Variants in ADAM29 observed in about 807,000 individuals in gnomAD.
The protein encoded by ADAM29 is disintegrin and metalloproteinase domain-containing protein 29.
For synonymous variants in ADAM29, 367 were observed against 342.3 expected (o/e 1.07, Z -0.80); for missense variants, 969 against 1,001.8 (o/e 0.97, Z 0.44).
chr4:174,960,367 G>A (rs751762221), intron 4 of ADAM29, among the ~76,000 whole-genome samples: 5 of 151,868 alleles, frequency 3.3e-5, no homozygotes, highest in Admixed American at 1.3e-4. Flanking sequence ...CAAATTTTAA[G>A]TATCATATCT....
chr4:174,958,711 C>T (rs192862315), intron 4 of ADAM29, among the ~76,000 whole-genome samples: 1 of 151,354 alleles, frequency 6.6e-6, no homozygotes, highest in East Asian at 1.9e-4. Flanking sequence ...TTACTAGTCT[C>T]TACCTCTTGT....
chr4:174,935,531 G>A lies in ADAM29; in HGVS notation c.-261-1402G>A, dbSNP rs74649558. Among the ~76,000 whole-genome samples, 1,369 of 152,018 alleles carry A rather than the reference G, an allele frequency of 9.0e-3. 17 individuals are homozygous for A. The highest frequency in any genetic ancestry group is 0.03 in the African/African-American group (1,259 of 41,504). On this transcript the variant is annotated intron_variant, in intron 3 of 4. Transcript: ENST00000359240. ...TAAGATTTTTTTGCTTGTTTATTTTGTTTTTTGTTTTGCCTTTTTCTGCTT... is the reference window on the plus strand; with the variant it reads ...TAAGATTTTTTTGCTTGTTTATTTTATTTTTTGTTTTGCCTTTTTCTGCTT...
At chr4:174,939,418 A>C (rs1744397039) in intron 4 of ADAM29, among the ~76,000 whole-genome samples, 3 of 152,290 alleles carry the variant, frequency 2.0e-5, no homozygotes, top group South Asian at 4.1e-4. Context: ...TATTCTGAAA[A>C]TAGGACAGAA....
At chr4:174,941,400 T>G in intron 4 of ADAM29, among the ~76,000 whole-genome samples, 1 of 152,178 alleles carries the variant, frequency 6.6e-6, no homozygotes, top group East Asian at 1.9e-4. Context: ...GTTTTTACAC[T>G]GCTATAAAGA....
At chr4:174,965,484 C>CTATCTATCT (rs1553977726) in intron 4 of ADAM29, among the ~76,000 whole-genome samples, 5 of 147,102 alleles carry the variant, frequency 3.4e-5, no homozygotes, top group South Asian at 2.2e-4. Flanking sequence ...CTCTATCTAT[C>CTATCTATCT]ATCTATCTAT....
At chr4:174,935,381 A>G (rs929505125) in intron 3 of ADAM29, among the ~76,000 whole-genome samples, 2 of 152,154 alleles carry the variant, frequency 1.3e-5, no homozygotes, top group Admixed American at 1.3e-4. Flanking sequence ...GCCCATGTAT[A>G]CACAGGACAC....
chr4:174,956,697 T>C (rs1449535508), intron 4 of ADAM29, among the ~76,000 whole-genome samples: 1 of 151,826 alleles, frequency 6.6e-6, no homozygotes, highest in Non-Finnish European at 1.5e-5. Context: ...GCTTCATGTG[T>C]TAACTCTGAA....
chr4:174,959,502 T>A (rs1247216516), intron 4 of ADAM29, among the ~76,000 whole-genome samples: 1 of 151,246 alleles, frequency 6.6e-6, no homozygotes, highest in Non-Finnish European at 1.5e-5. Context: ...TTTGTGTGTG[T>A]CTGAATGAAA....
At chr4:174,925,791 T>G (rs1743484227) in intron 2 of ADAM29, among the ~76,000 whole-genome samples, 1 of 152,200 alleles carries the variant, frequency 6.6e-6, no homozygotes, top group African/African-American at 2.4e-5. Flanking sequence ...GATAAAATGC[T>G]AGATGAAAAT....
intron 2 of ADAM29, among the ~76,000 whole-genome samples, chr4:174,929,579 G>A (rs570612776): frequency 2.0e-5 from 3 of 152,206 alleles, no homozygotes; most frequent in African/African-American, 7.2e-5. Flanking sequence ...GAGGGGCTAA[G>A]CTCCTCCCTG....
chr4:174,967,626 A>G (rs1370036001), intron 4 of ADAM29, among the ~76,000 whole-genome samples: 1 of 152,254 alleles, frequency 6.6e-6, no homozygotes, highest in Non-Finnish European at 1.5e-5. Flanking sequence ...GTATGAAAGG[A>G]AAAGCACTGG....
intron 4 of ADAM29, among the ~76,000 whole-genome samples, chr4:174,954,635 T>C (rs13128771): frequency 0.062 from 9,380 of 152,254 alleles, 401 homozygotes; most frequent in Middle Eastern, 0.16. Context: ...CTGCCTTTCA[T>C]TTAACACCTG....
At chr4:174,925,801 T>C (rs376816152) in intron 2 of ADAM29, among the ~76,000 whole-genome samples, 4 of 152,096 alleles carry the variant, frequency 2.6e-5, no homozygotes, top group Non-Finnish European at 4.4e-5. Flanking sequence ...TAGATGAAAA[T>C]TGATGATAAT....
At chr4:174,965,515 CT>C (rs1298273280) in intron 4 of ADAM29, among the ~76,000 whole-genome samples, 2 of 150,330 alleles carry the variant, frequency 1.3e-5, no homozygotes, top group Non-Finnish European at 3.0e-5. Flanking sequence ...ATCTATCTAT[CT>C]ATCTATCATC....
chr4:174,930,620 T>G (rs182638968), intron 2 of ADAM29, among the ~76,000 whole-genome samples: 1 of 152,202 alleles, frequency 6.6e-6, no homozygotes. Flanking sequence ...TAACTATGTC[T>G]TTTTTCCTTC....
In ADAM29 at chr4:174,935,910, A is replaced by T. The variant is rs147864209; in HGVS notation, c.-261-1023A>T. ...CTTCTCCAACAAGTTTGCTTACGAG[A>T]ATTATGTTTGCACTGGTAGAAACAT... On this transcript the variant is annotated intron_variant, in intron 3 of 4. Coordinates refer to ENST00000359240, the MANE Select transcript of ADAM29 (RefSeq NM_014269.4). 7.8e-3 allele frequency among the ~76,000 whole-genome samples: 1,191 copies of T among 152,168 alleles called. 12 individuals are homozygous for T. Among genetic ancestry groups the T allele is most frequent in the Middle Eastern group, 0.024 (7 of 294 alleles).
rs184911763 is a variant in ADAM29 at position 174,977,427 on chromosome 4, C to A, written c.1902C>A (p.Gly634=). 11 of 1,613,706 alleles carry A rather than the reference C, an allele frequency of 6.8e-6. No homozygotes were observed. The East Asian group carries it at 2.2e-4, about 33-fold the overall frequency. Residue 634 remains glycine (G), a synonymous_variant, in exon 5 of 5, where the codon GGC becomes GGA. Transcript: ENST00000359240. ...NCSPAFCNKR[G]ICNNKHHCHC... is the part of the protein sequence containing the mutation. ...CACCTGCATTTTGTAACAAGAGGGGCATCTGCAACAATAAACATCACTGCC... is the reference window on the plus strand; with the variant it reads ...CACCTGCATTTTGTAACAAGAGGGGAATCTGCAACAATAAACATCACTGCC...
At chr4:174,962,404 C>G (rs566256437) in intron 4 of ADAM29, among the ~76,000 whole-genome samples, 2 of 150,812 alleles carry the variant, frequency 1.3e-5, no homozygotes, top group Non-Finnish European at 2.9e-5. Flanking sequence ...CCCAGCTACT[C>G]GGGAGGCTGA....
chr4:174,922,886 G>A (rs1414342655), intron 2 of ADAM29, among the ~76,000 whole-genome samples: 1 of 151,564 alleles, frequency 6.6e-6, no homozygotes, highest in East Asian at 1.9e-4. Flanking sequence ...AATTCACCGT[G>A]AATAGCAAAG....
Sources: allele counts gnomAD v4.1 joint callset (sites outside exome capture counted in the v4.1 genomes callset), GRCh38; gene constraint gnomAD v4.1.1; transcripts MANE v1.5; gene names NCBI Gene and HGNC (gene_info 2026-07-23, HGNC 2026-07-21).